Variants in PAFAH1B1 observed in about 807,000 individuals in gnomAD.
The protein encoded by PAFAH1B1 is platelet activating factor acetylhydrolase 1b regulatory subunit 1, also known as platelet-activating factor acetylhydrolase IB subunit beta.
PAFAH1B1 carries 2 observed loss-of-function variants against 57.5 expected under a neutral mutation model. That is an observed-to-expected ratio of 0.03 (90% CI 0.01 to 0.11). The LOEUF is 0.11. PAFAH1B1 is among the 10% of genes least tolerant of loss of function. The pLI, the probability that PAFAH1B1 is intolerant of heterozygous loss-of-function variation, is 1.00. For synonymous variants in PAFAH1B1, 152 were observed against 169.6 expected (o/e 0.90, Z 0.81); for missense variants, 257 against 512.0 (o/e 0.50, Z 4.81).
chr17:2,657,079 G>A (rs2068945716), intron 2 of PAFAH1B1, among the ~76,000 whole-genome samples: 1 of 152,162 alleles, frequency 6.6e-6, no homozygotes, highest in South Asian at 2.1e-4. Context: ...AATGATTATA[G>A]CATCTTTGCC....
Position 2,631,638 on chromosome 17 carries a change from A to G in PAFAH1B1, c.-190-6461A>G, listed in dbSNP as rs549135594. On this transcript the variant is annotated intron_variant, in intron 1 of 10. Transcript: ENST00000397195. ...GCTTCTCTAGTGGGGGTGTGTGCTCAGGAGAGGAGGGTCTTCCTTTCTCAC... is the reference window on the plus strand; with the variant it reads ...GCTTCTCTAGTGGGGGTGTGTGCTCGGGAGAGGAGGGTCTTCCTTTCTCAC... Among the ~76,000 whole-genome samples, 6 of 152,298 alleles carry G rather than the reference A, an allele frequency of 3.9e-5. No individual in the cohort carries two copies. The South Asian group carries it at 6.2e-4, about 16-fold the overall frequency.
intron 2 of PAFAH1B1, among the ~76,000 whole-genome samples, chr17:2,658,552 A>G (rs2068969329): frequency 6.6e-6 from 1 of 152,168 alleles, no homozygotes; most frequent in South Asian, 2.1e-4. Flanking sequence ...AGGGTATATC[A>G]GGATGTCATC....
chr17:2,611,693 C>T (rs549330945), intron 1 of PAFAH1B1, among the ~76,000 whole-genome samples: 6 of 152,080 alleles, frequency 3.9e-5, no homozygotes, highest in South Asian at 4.2e-4. Flanking sequence ...AGTGAGAGTA[C>T]GTCTTTACTC....
intron 2 of PAFAH1B1, among the ~76,000 whole-genome samples, chr17:2,643,976 C>A (rs974220355): frequency 1.3e-5 from 2 of 152,182 alleles, no homozygotes; most frequent in African/African-American, 2.4e-5. Flanking sequence ...TCAAGAGATC[C>A]TCCCACGTCA....
intron 1 of PAFAH1B1, among the ~76,000 whole-genome samples, chr17:2,621,212 C>T (rs953160317): frequency 6.6e-6 from 1 of 151,866 alleles, no homozygotes; most frequent in Non-Finnish European, 1.5e-5. Flanking sequence ...TTTGCTGATT[C>T]TCTCCCTCCT....
At position 2,670,183 on chromosome 17, in the gene PAFAH1B1, A is replaced by C. The variant is rs1057244318; in HGVS notation, c.420A>C (p.Gly140=). The C allele has an allele frequency of 6.2e-7, 1 of 1,614,002 alleles. No individual in the cohort carries two copies. Among genetic ancestry groups the C allele is most frequent in the South Asian group, 1.1e-5 (1 of 91,092 alleles). Residue 140 remains glycine (G), a synonymous_variant, in exon 6 of 11, where the codon GGA becomes GGC. Transcript: ENST00000397195. ...ATIKVWDYET[G]DFERTLKGHT... is the part of the protein sequence containing the mutation. The stretch of plus-strand genomic sequence containing the variant: ...GACAGGTGTGGGATTATGAGACTGG[A>C]GATTTTGAACGAACTCTTAAAGGAC...
Position 2,600,040 on chromosome 17 carries a change from C to G in PAFAH1B1, c.-191+6034C>G, listed in dbSNP as rs1199041410. On this transcript the variant is annotated intron_variant, in intron 1 of 10. Transcript: ENST00000397195. ...CATCACCCAGGCTGGAGTGCAGTGT[C>G]TCGATCTCAGCTCACTGCAACCTCC... Among the ~76,000 whole-genome samples, 8 of 123,282 alleles carry G rather than the reference C, an allele frequency of 6.5e-5. No individual in the cohort carries two copies. The East Asian group carries it at 2.0e-3, about 30-fold the overall frequency. The allele number at this position is 123,282 out of a possible 152,430, so 80.9% of individuals were successfully genotyped here. A position where few individuals can be genotyped will look rare whatever the true frequency, so the allele number is the denominator to read the frequency against.
intron 2 of PAFAH1B1, among the ~76,000 whole-genome samples, chr17:2,650,787 C>T (rs1017705287): frequency 9.9e-5 from 15 of 152,074 alleles, no homozygotes; most frequent in Admixed American, 8.5e-4. Context: ...ATGCCATTCT[C>T]TTCCTCTGTG....
intron 3 of PAFAH1B1, among the ~76,000 whole-genome samples, 175 bp downstream of exon 3, chr17:2,665,631 T>G (rs1343565014): frequency 6.6e-6 from 1 of 152,048 alleles, no homozygotes; most frequent in Non-Finnish European, 1.5e-5. Context: ...AGATGGAGTC[T>G]CACTTTGTCT....
At chr17:2,597,423 T>TTTG (rs2068096046) in intron 1 of PAFAH1B1, among the ~76,000 whole-genome samples, 3 of 142,204 alleles carry the variant, frequency 2.1e-5, no homozygotes, top group Non-Finnish European at 1.5e-5. Context: ...TTTTTTTTTT[T>TTTG]TTTTTGAGGG....
chr17:2,630,113 C>T (rs1435349370), intron 1 of PAFAH1B1, among the ~76,000 whole-genome samples: 1 of 152,078 alleles, frequency 6.6e-6, no homozygotes, highest in Non-Finnish European at 1.5e-5. Context: ...TGAGGTACCG[C>T]GGCATTCATC....
intron 1 of PAFAH1B1, among the ~76,000 whole-genome samples, chr17:2,615,461 G>C (rs1275039286): frequency 1.3e-5 from 2 of 151,992 alleles, no homozygotes; most frequent in Non-Finnish European, 2.9e-5. Context: ...TTTTTTTTGA[G>C]ATGGAGTCTC....
chr17:2,611,614 G>A (rs374539196), intron 1 of PAFAH1B1, among the ~76,000 whole-genome samples: 6 of 152,298 alleles, frequency 3.9e-5, no homozygotes, highest in African/African-American at 1.4e-4. Flanking sequence ...AATGTAAGGA[G>A]AGGTTTGGTT....
At chr17:2,624,627 C>T (rs1478165308) in intron 1 of PAFAH1B1, among the ~76,000 whole-genome samples, 3 of 152,156 alleles carry the variant, frequency 2.0e-5, no homozygotes, top group Non-Finnish European at 4.4e-5. Context: ...AGACTGGCCC[C>T]GTGATTCAGT....
intron 1 of PAFAH1B1, among the ~76,000 whole-genome samples, chr17:2,620,044 G>C (rs2068398719): frequency 6.6e-6 from 1 of 152,080 alleles, no homozygotes; most frequent in Non-Finnish European, 1.5e-5. Flanking sequence ...TCTGGCCCTG[G>C]CCTCTTTGTA....
intron 1 of PAFAH1B1, among the ~76,000 whole-genome samples, chr17:2,618,156 G>C (rs189164594): frequency 6.6e-6 from 1 of 152,070 alleles, no homozygotes; most frequent in East Asian, 1.9e-4. Context: ...GCTGAGTCAG[G>C]AGAATCGCTT....
At chr17:2,609,344 C>T (rs1178050554) in intron 1 of PAFAH1B1, among the ~76,000 whole-genome samples, 1 of 151,650 alleles carries the variant, frequency 6.6e-6, no homozygotes, top group Non-Finnish European at 1.5e-5. Flanking sequence ...ATACGCTCTC[C>T]AGTGGAACAA....
At chr17:2,629,798 A>C (rs1057137235) in intron 1 of PAFAH1B1, among the ~76,000 whole-genome samples, 1 of 152,066 alleles carries the variant, frequency 6.6e-6, no homozygotes, top group African/African-American at 2.4e-5. Context: ...GGATTGTGGT[A>C]TTTTCCTGTT....
intron 8 of PAFAH1B1, among the ~76,000 whole-genome samples, chr17:2,674,549 A>G (rs906934429): frequency 6.6e-6 from 1 of 152,246 alleles, no homozygotes; most frequent in Non-Finnish European, 1.5e-5. Flanking sequence ...CAGAAAAATC[A>G]GTGTTATGAG....
Sources: allele counts gnomAD v4.1 joint callset (sites outside exome capture counted in the v4.1 genomes callset), GRCh38; gene constraint gnomAD v4.1.1; transcripts MANE v1.5; gene names NCBI Gene and HGNC (gene_info 2026-07-23, HGNC 2026-07-21).